The following WIPF2 variants were observed in gnomAD, a reference collection of about 807,000 sequenced individuals.
WIPF2 encodes WAS/WASL interacting protein family member 2.
WIPF2 carries 23 observed loss-of-function variants against 38.8 expected under a neutral mutation model. The ratio of observed to expected loss-of-function variants is 0.59; its 90% confidence interval spans 0.43 to 0.84. The LOEUF is 0.84. Ranked by LOEUF, WIPF2 falls within the 40% of genes least tolerant of loss-of-function variation. The pLI is 0.00. For missense variants in WIPF2, 574 were observed against 580.5 expected, an observed-to-expected ratio of 0.99 and a Z score of 0.11; for synonymous variants, 210 against 223.2, an observed-to-expected ratio of 0.94 and a Z score of 0.53.
chr17:40,277,093 G>C lies in WIPF2; in HGVS notation c.1191G>C (p.Glu397Asp). Reference protein sequence around the residue: ...TTVRSFLDDFESKYSFHPVED... With the variant: ...TTVRSFLDDFDSKYSFHPVED... Reference sequence around the variant, plus strand: ...CTATTCTTTTCGCAGATGATTTTGAGTCAAAGTATTCCTTCCATCCAGTAG... The same window carrying C: ...CTATTCTTTTCGCAGATGATTTTGACTCAAAGTATTCCTTCCATCCAGTAG... Residue 397 changes from glutamate (E) to aspartate (D), a missense_variant, in exon 7 of 8, where the codon GAG (glutamate) becomes GAC (aspartate). Coordinates refer to ENST00000323571, the MANE Select transcript of WIPF2 (RefSeq NM_133264.5). 1 of 1,611,794 alleles carries C rather than the reference G, an allele frequency of 6.2e-7. No homozygotes were observed. Among genetic ancestry groups the C allele is most frequent in the Non-Finnish European group, 8.5e-7 (1 of 1,178,914 alleles).
intron 1 of WIPF2, chr17:40,220,593 A>ATATG (rs1555558057): frequency 9.1e-5 from 7 of 76,998 alleles, no homozygotes; most frequent in African/African-American, 4.3e-4. Flanking sequence ...ATATATATAT[A>ATATG]TATATATATA....
At chr17:40,274,074 G>A in intron 6 of WIPF2, 75 bp downstream of exon 6, 1 of 1,275,786 alleles carries the variant, frequency 7.8e-7, no homozygotes, top group South Asian at 1.5e-5. Context: ...GCTGCTAGAT[G>A]GCCACCATAG....
At chr17:40,277,222 T>C (rs768243656) in intron 7 of WIPF2, 38 bp downstream of exon 7, 22 of 1,506,012 alleles carry the variant, frequency 1.5e-5, no homozygotes, top group African/African-American at 2.8e-5. Flanking sequence ...CATAATTGCA[T>C]AGAATGTAGA....
In WIPF2 at chr17:40,277,148, C is replaced by A. The variant is rs1211430403; in HGVS notation, c.1246C>A (p.His416Asn). The change falls in exon 7 of 8, where the codon CAC (histidine) becomes AAC (asparagine). Residue 416 changes from histidine to asparagine, a missense_variant. By Grantham distance (68) the His-to-Asn change is moderately conservative. Transcript: ENST00000323571. ...EDFPAPEEYKHFQRIYPSKTN... is the reference protein window; with the variant it reads ...EDFPAPEEYKNFQRIYPSKTN... ...CTTTCCTGCTCCAGAAGAATATAAA[C>A]ACTTTCAGAGGATATATCCCAGCAA... The A allele has an allele frequency of 1.2e-6, 2 of 1,613,388 alleles. No individual in the cohort carries two copies. Among genetic ancestry groups the A allele is most frequent in the Admixed American group, 1.7e-5 (1 of 59,902 alleles).
intron 1 of WIPF2, among the ~76,000 whole-genome samples, chr17:40,251,759 G>T (rs1272094561): frequency 1.3e-5 from 2 of 152,078 alleles, no homozygotes; most frequent in Non-Finnish European, 2.9e-5. Context: ...GTACATGTAG[G>T]CACTCCCACT....
rs146436540 is a variant in WIPF2 at position 40,277,079 on chromosome 17, G to A, written c.1181-4G>A. 6.1e-4 allele frequency: 975 copies of A among 1,607,838 alleles called. 9 individuals carry two copies. In the African/African-American group the frequency reaches 0.012, roughly 19 times the overall value. ...TAGGAATTAATGTTCTATTCTTTTC[G>A]CAGATGATTTTGAGTCAAAGTATTC... On this transcript the variant is annotated splice_region_variant and splice_polypyrimidine_tract_variant and intron_variant, in intron 6 of 7. Coordinates refer to ENST00000323571, the MANE Select transcript of WIPF2 (RefSeq NM_133264.5).
Position 40,260,654 on chromosome 17 carries a change from T to C in WIPF2, c.183T>C (p.Ala61=). The C allele has an allele frequency of 6.2e-7, 1 of 1,613,728 alleles. No homozygotes were observed. The highest frequency in any genetic ancestry group is 8.5e-7 in the Non-Finnish European group (1 of 1,179,922). The part of the protein sequence containing the change: ...KKVTNINDRS[A]PILEKPKGSS... ...TGACCAACATTAATGATCGGAGTGCTCCCATCCTCGAGAGTGAGTCCGAGC... is the reference window on the plus strand; with the variant it reads ...TGACCAACATTAATGATCGGAGTGCCCCCATCCTCGAGAGTGAGTCCGAGC... The change falls in exon 3 of 8, where the codon GCT becomes GCC. Residue 61 remains alanine, a synonymous_variant. Transcript: ENST00000323571.
At position 40,264,594 on chromosome 17, in the gene WIPF2, A is replaced by G; in HGVS notation, c.418A>G (p.Ser140Gly). The G allele has an allele frequency of 1.9e-6, 3 of 1,614,168 alleles. No homozygotes were observed. Among genetic ancestry groups the G allele is most frequent in the Non-Finnish European group, 2.5e-6 (3 of 1,180,034 alleles). Residue 140 changes from serine to glycine, a missense_variant, in exon 5 of 8, where the codon AGC becomes GGC. Ser to Gly is a moderately conservative substitution (Grantham distance 56). Transcript: ENST00000323571. ...CGGGCGTCCTCAGGATGATACAGAC[A>G]GCAGCCGGGCCTCACTCCCAGAACT... ...ASGRPQDDTD[S>G]SRASLPELPR... is the part of the protein sequence containing the mutation.
intron 6 of WIPF2, among the ~76,000 whole-genome samples, chr17:40,274,420 T>C (rs767405061): frequency 6.6e-6 from 1 of 151,720 alleles, no homozygotes; most frequent in Non-Finnish European, 1.5e-5. Flanking sequence ...TTTTTAATTA[T>C]TTTTTATAGA....
intron 6 of WIPF2, among the ~76,000 whole-genome samples, chr17:40,275,667 A>G (rs2145415311): frequency 6.6e-6 from 1 of 152,102 alleles, no homozygotes; most frequent in Admixed American, 6.6e-5. Flanking sequence ...AGGCTCAAGC[A>G]ATCCTCCCAT....
rs1397012415 is a variant in WIPF2, at chr17:40,283,447, A to G, written c.*5222A>G. ...TTTTTTGTAAAGACAGGGTCTCCCT[A>G]TGTTGCCCAGACTGGTCTCAAATTC... is the stretch of plus-strand genomic sequence containing the variant. On this transcript the variant is annotated 3_prime_UTR_variant, in exon 8 of 8. Transcript: ENST00000323571. 6.6e-6 allele frequency: 1 copy of G among 152,038 alleles called. No individual in the cohort carries two copies. The highest frequency in any genetic ancestry group is 2.4e-5 in the African/African-American group (1 of 41,362). 9.4% of individuals were successfully genotyped at this position (152,038 alleles called of 1,614,324 possible).
In WIPF2 at chr17:40,283,345, A is replaced by G. The variant is rs2032593061; in HGVS notation, c.*5120A>G. On this transcript the variant is annotated 3_prime_UTR_variant, in exon 8 of 8. Transcript: ENST00000323571. ...CCGCAGCCTCCAACTCTCAAGCTCA[A>G]GTGATCCTCCCACCTCAGCCTCCCG... 1 of 151,794 alleles carries G rather than the reference A, an allele frequency of 6.6e-6. No homozygotes were observed. The highest frequency in any genetic ancestry group is 2.4e-5 in the African/African-American group (1 of 41,238). 9.4% of individuals were successfully genotyped at this position (151,794 alleles called of 1,614,324 possible).
At chr17:40,227,020 C>T (rs893727851) in intron 1 of WIPF2, among the ~76,000 whole-genome samples, 11 of 150,312 alleles carry the variant, frequency 7.3e-5, no homozygotes, top group African/African-American at 1.7e-4. Flanking sequence ...GGATTACAGG[C>T]GTGAGCCACC....
chr17:40,277,033 T>C (rs1289937858), intron 6 of WIPF2, 50 bp from the exon 7 acceptor site: 1 of 1,510,374 alleles, frequency 6.6e-7, no homozygotes, highest in South Asian at 1.2e-5. Flanking sequence ...CAGAGGCCTG[T>C]GGGAGCACAA....
Position 40,277,153 on chromosome 17 carries a change from T to A in WIPF2, c.1251T>A (p.Phe417Leu). Residue 417 changes from phenylalanine to leucine, a missense_variant, in exon 7 of 8, where the codon TTT becomes TTA. Transcript: ENST00000323571. ...CTGCTCCAGAAGAATATAAACACTT[T>A]CAGAGGATATATCCCAGCAAAACAA... ...DFPAPEEYKH[F>L]QRIYPSKTNR... The A allele has an allele frequency of 6.2e-7, 1 of 1,613,398 alleles. No individual in the cohort carries two copies. The highest frequency in any genetic ancestry group is 1.3e-5 in the African/African-American group (1 of 75,024).
intron 3 of WIPF2, 27 bp from the exon 4 acceptor site, chr17:40,262,498 T>C (rs763177173): frequency 8.8e-6 from 14 of 1,592,548 alleles, no homozygotes; most frequent in Non-Finnish European, 8.6e-7. Flanking sequence ...GCATGTGAAA[T>C]GAAAACCCTA....
rs745719675 is a variant in WIPF2 at position 40,278,173 on chromosome 17, G to GT, written c.1283-4dup. 105 of 1,610,312 alleles carry GT rather than the reference G, an allele frequency of 6.5e-5. No individual in the cohort carries two copies. The highest frequency in any genetic ancestry group is 6.7e-5 in the Admixed American group (4 of 59,470). On this transcript the variant is annotated splice_polypyrimidine_tract_variant and intron_variant, in intron 7 of 7. Transcript: ENST00000323571. ...CCTGTATGTGTGTGGTCTTTATTTT[G>GT]TTTTTTTTCAGCTGCCCGTGGAGCC...
At position 40,278,255 on chromosome 17, in the gene WIPF2, A is replaced by G; in HGVS notation, c.*30A>G. On this transcript the variant is annotated 3_prime_UTR_variant, in exon 8 of 8. Coordinates refer to ENST00000323571, the MANE Select transcript of WIPF2 (RefSeq NM_133264.5). ...TGGCTTGGTCCCGTTCCTCAGGAAA[A>G]GGATGGACCTTCTCTTCTTCTCAGA... is the stretch of plus-strand genomic sequence containing the variant. 1 of 1,612,050 alleles carries G rather than the reference A, an allele frequency of 6.2e-7. No individual in the cohort carries two copies.
rs150451636 is a variant in WIPF2 at position 40,273,973 on chromosome 17, C to G, written c.1154C>G (p.Ser385Cys). The change falls in exon 6 of 8, where the codon TCT (serine) becomes TGT (cysteine). Residue 385 changes from serine to cysteine, a missense_variant. Transcript: ENST00000323571. Reference sequence around the variant, plus strand: ...CCCCTGAGGAATGGCCACAGAGATTCTATCACCACTGTCCGGTCTTTCTTG... The same window carrying G: ...CCCCTGAGGAATGGCCACAGAGATTGTATCACCACTGTCCGGTCTTTCTTG... ...PPPLRNGHRD[S>C]ITTVRSFLDD... The G allele has an allele frequency of 8.9e-6, 14 of 1,577,510 alleles. No individual in the cohort carries two copies. The highest frequency in any genetic ancestry group is 1.2e-5 in the South Asian group (1 of 86,434).
Sources: allele counts gnomAD v4.1 joint callset (sites outside exome capture counted in the v4.1 genomes callset), GRCh38; gene constraint gnomAD v4.1.1; transcripts MANE v1.5; gene names NCBI Gene and HGNC (gene_info 2026-07-23, HGNC 2026-07-21).